Variants in DGKH observed in about 807,000 individuals in gnomAD.
DGKH encodes the protein DAG kinase eta.
Under a neutral mutation model 159.3 loss-of-function variants are expected in DGKH, and 90 were observed. The observed-to-expected ratio is 0.57, with a 90% CI of 0.48 to 0.67. DGKH has a LOEUF of 0.67. Among genes scored for constraint, DGKH ranks in the 30% least tolerant of loss-of-function variants. DGKH has a pLI of 0.00. For missense variants in DGKH, 1,181 were observed against 1,506.1 expected, an observed-to-expected ratio of 0.78 and a Z score of 3.57; for synonymous variants, 536 against 553.8, an observed-to-expected ratio of 0.97 and a Z score of 0.45.
At chr13:42,202,314 G>T (rs1566186751) in intron 20 of DGKH, among the ~76,000 whole-genome samples, 1 of 152,144 alleles carries the variant, frequency 6.6e-6, no homozygotes, top group Non-Finnish European at 1.5e-5. Context: ...TCTGATGATG[G>T]TTCACTCGGG....
At chr13:42,054,037 G>C (rs1242636966) in intron 1 of DGKH, among the ~76,000 whole-genome samples, 1 of 152,230 alleles carries the variant, frequency 6.6e-6, no homozygotes, top group African/African-American at 2.4e-5. Context: ...TGGTAAGGCA[G>C]TATATGAAAG....
intron 1 of DGKH, among the ~76,000 whole-genome samples, chr13:42,110,748 C>T (rs2137800668): frequency 2.0e-5 from 1 of 48,878 alleles, no homozygotes; most frequent in African/African-American, 8.0e-5. Flanking sequence ...AGCATAGCAC[C>T]ACTGCCACCT....
Position 42,152,545 on chromosome 13 carries a change from C to A in DGKH, c.385-2746C>A, listed in dbSNP as rs182838393. On this transcript the variant is annotated intron_variant, in intron 3 of 29. Transcript: ENST00000337343. ...ATATATAAATCACATAATAAGATACCCCAACAAGTAACACATGAAGCCTTT... is the reference window on the plus strand; with the variant it reads ...ATATATAAATCACATAATAAGATACACCAACAAGTAACACATGAAGCCTTT... Among the ~76,000 whole-genome samples, 14 of 148,610 alleles carry A rather than the reference C, an allele frequency of 9.4e-5. No homozygotes were observed. In the Admixed American group the frequency reaches 9.5e-4, roughly 10 times the overall value.
chr13:42,087,855 A>C (rs1043808208), intron 1 of DGKH, among the ~76,000 whole-genome samples: 1 of 151,506 alleles, frequency 6.6e-6, no homozygotes, highest in African/African-American at 2.4e-5. Context: ...GCATTTGAGG[A>C]AGTAATGGCC....
chr13:42,124,863 A>G (rs1387556459), intron 1 of DGKH, among the ~76,000 whole-genome samples: 10 of 152,224 alleles, frequency 6.6e-5, no homozygotes, highest in African/African-American at 2.2e-4. Flanking sequence ...GAGCACTTTT[A>G]GCTGCTGCCA....
chr13:42,146,470 A>T (rs754982661), intron 3 of DGKH, among the ~76,000 whole-genome samples: 3 of 152,228 alleles, frequency 2.0e-5, no homozygotes, highest in Non-Finnish European at 4.4e-5. Flanking sequence ...ATACAAGGAT[A>T]TGATTGCACA....
At chr13:42,162,953 C>A (rs1227556268) in intron 7 of DGKH, among the ~76,000 whole-genome samples, 4 of 150,466 alleles carry the variant, frequency 2.7e-5, no homozygotes, top group Non-Finnish European at 5.9e-5. Context: ...TGCTAGTGTG[C>A]TGCACCCATT....
chr13:42,245,568 C>T (rs1004633598), downstream of DGKH, among the ~76,000 whole-genome samples: 1 of 152,012 alleles, frequency 6.6e-6, no homozygotes, highest in Non-Finnish European at 1.5e-5. Flanking sequence ...CCTTTAAAAG[C>T]AGGTCACTAC....
At chr13:42,130,983 G>C (rs1411867465) in intron 3 of DGKH, among the ~76,000 whole-genome samples, 9 of 152,034 alleles carry the variant, frequency 5.9e-5, no homozygotes, top group Non-Finnish European at 1.2e-4. Context: ...TTTCAAGACA[G>C]ATGCTTTGAC....
At chr13:42,127,364 A>C (rs1391299727) in intron 1 of DGKH, 99 bp from the exon 2 acceptor site, 3 of 832,966 alleles carry the variant, frequency 3.6e-6, no homozygotes, top group Non-Finnish European at 5.8e-6. Context: ...CATGAGAAAT[A>C]TTATTCAAAA....
chr13:42,147,075 CTT>C (rs1041911510), intron 3 of DGKH, among the ~76,000 whole-genome samples: 29 of 152,006 alleles, frequency 1.9e-4, no homozygotes, highest in Admixed American at 2.6e-4. Context: ...AGATGAGAGA[CTT>C]TGTGCACAAG....
intron 1 of DGKH, among the ~76,000 whole-genome samples, chr13:42,094,435 T>C (rs1387623095): frequency 2.0e-5 from 3 of 152,176 alleles, no homozygotes; most frequent in South Asian, 4.1e-4. Context: ...GAGTTGGGCT[T>C]GGGGGAAATA....
Position 42,186,208 on chromosome 13 carries a change from T to C in DGKH, c.1539-841T>C, listed in dbSNP as rs575493521. ...TAAATTTCTCAATTTATATCAATGA[T>C]AGAAAGCAATACTATGATTTAAAAA... On this transcript the variant is annotated intron_variant, in intron 13 of 29. Coordinates refer to ENST00000337343, the MANE Select transcript of DGKH (RefSeq NM_178009.5). 2.6e-5 allele frequency among the ~76,000 whole-genome samples: 4 copies of C among 152,286 alleles called. No homozygotes were observed. In the South Asian group the frequency reaches 8.3e-4, roughly 32 times the overall value.
rs537754165 is a variant in DGKH, at chr13:42,163,558, C to T, written c.856-1773C>T. ...GACTTTTTAATGATTGCCATTCTAACGGGTGTGAGATGGTATCTCATTGTG... is the reference window on the plus strand; with the variant it reads ...GACTTTTTAATGATTGCCATTCTAATGGGTGTGAGATGGTATCTCATTGTG... On this transcript the variant is annotated intron_variant, in intron 7 of 29. Transcript: ENST00000337343. 6.5e-3 allele frequency among the ~76,000 whole-genome samples: 992 copies of T among 152,272 alleles called. 13 individuals carry two copies. The highest frequency in any genetic ancestry group is 0.022 in the African/African-American group (932 of 41,550).
intron 3 of DGKH, among the ~76,000 whole-genome samples, chr13:42,149,268 A>G (rs1955818017): frequency 6.6e-6 from 1 of 151,974 alleles, no homozygotes; most frequent in Non-Finnish European, 1.5e-5. Flanking sequence ...TTCCCCGACA[A>G]AGCATTCTCA....
At chr13:42,107,274 T>A (rs1406349738) in intron 1 of DGKH, among the ~76,000 whole-genome samples, 9 of 152,174 alleles carry the variant, frequency 5.9e-5, no homozygotes, top group Non-Finnish European at 1.3e-4. Flanking sequence ...GCCACCCATA[T>A]GAAGAACCCA....
intron 14 of DGKH, 133 bp downstream of exon 14, chr13:42,187,281 C>G (rs1956954987): frequency 1.4e-6 from 1 of 719,136 alleles, no homozygotes; most frequent in South Asian, 1.9e-5. Context: ...TACTTTGGAT[C>G]AGATCTGAGA....
At chr13:42,141,701 T>C (rs897629561) in intron 3 of DGKH, among the ~76,000 whole-genome samples, 2 of 152,260 alleles carry the variant, frequency 1.3e-5, no homozygotes, top group Non-Finnish European at 2.9e-5. Flanking sequence ...ATGTCTTCTT[T>C]TGAGAAGTGT....
chr13:42,180,264 A>G (rs1956716712), intron 13 of DGKH, among the ~76,000 whole-genome samples: 1 of 152,184 alleles, frequency 6.6e-6, no homozygotes. Flanking sequence ...GACAAACTGG[A>G]GATTTGTCCA....
Sources: allele counts gnomAD v4.1 joint callset (sites outside exome capture counted in the v4.1 genomes callset), GRCh38; gene constraint gnomAD v4.1.1; transcripts MANE v1.5; gene names NCBI Gene and HGNC (gene_info 2026-07-23, HGNC 2026-07-21).